Variants in VIT observed in about 807,000 individuals in gnomAD.
VIT encodes the protein vitrin.
A neutral mutation model predicts 78.0 loss-of-function variants in VIT; 99 were observed. That is an observed-to-expected ratio of 1.27 (90% CI 1.08 to 1.50). The LOEUF is 1.50. Ranked by LOEUF, VIT falls within the 40% of genes most tolerant of loss-of-function variation. The pLI, the probability that VIT is intolerant of heterozygous loss-of-function variation, is 0.00. For synonymous variants in VIT, 374 were observed against 334.3 expected (o/e 1.12, Z -1.29); for missense variants, 1,126 against 875.3 (o/e 1.29, Z -3.61).
chr2:36,742,013 T>C (rs1168985218), intron 3 of VIT, among the ~76,000 whole-genome samples: 2 of 152,158 alleles, frequency 1.3e-5, no homozygotes, highest in African/African-American at 4.8e-5. Flanking sequence ...CTACAAACCA[T>C]CCCTTTCATT....
intron 12 of VIT, among the ~76,000 whole-genome samples, chr2:36,796,874 C>T (rs951698408): frequency 1.3e-5 from 2 of 152,084 alleles, no homozygotes; most frequent in Admixed American, 1.3e-4. Context: ...TCACCAGACA[C>T]CCTCAGGAAA....
At chr2:36,803,832 T>C (rs1394127389) in intron 13 of VIT, among the ~76,000 whole-genome samples, 1 of 152,180 alleles carries the variant, frequency 6.6e-6, no homozygotes, top group East Asian at 1.9e-4. Context: ...AGGACTCCTT[T>C]GAGAATTCCG....
intron 4 of VIT, among the ~76,000 whole-genome samples, chr2:36,744,684 T>C (rs1668030958): frequency 6.6e-6 from 1 of 152,088 alleles, no homozygotes; most frequent in Non-Finnish European, 1.5e-5. Flanking sequence ...TTTTGATTGT[T>C]TGATTAAGTC....
intron 15 of VIT, 137 bp from the exon 16 acceptor site, chr2:36,814,046 G>T: frequency 1.0e-6 from 1 of 957,434 alleles, no homozygotes; most frequent in Non-Finnish European, 1.5e-6. Context: ...GGCCTGTAGC[G>T]TATTTTTGGT....
In VIT at chr2:36,783,392, G is replaced by A. The variant is rs1168699393; in HGVS notation, c.900G>A (p.Leu300=). Residue 300 remains leucine, a synonymous_variant, in exon 11 of 16, where the codon CTG becomes CTA. Coordinates refer to ENST00000379242, the MANE Select transcript of VIT (RefSeq NM_053276.4). Reference sequence around the variant, plus strand: ...CACAGTCTTTGGAGCCAGTATCCCTGGGAGATCCAAGTAAGTTAATTGACA... The same window carrying A: ...CACAGTCTTTGGAGCCAGTATCCCTAGGAGATCCAAGTAAGTTAATTGACA... ...LSTQSLEPVS[L]GDPNCKIDLS... The A allele has an allele frequency of 1.2e-6, 2 of 1,614,060 alleles. No homozygotes were observed. The highest frequency in any genetic ancestry group is 2.7e-5 in the African/African-American group (2 of 75,008).
chr2:36,797,863 G>A (rs995966154), intron 12 of VIT, among the ~76,000 whole-genome samples: 16 of 152,256 alleles, frequency 1.1e-4, no homozygotes, highest in African/African-American at 3.4e-4. Flanking sequence ...GCCTGTAGGC[G>A]CCACATATTA....
At chr2:36,779,216 G>A (rs1670246838) in intron 9 of VIT, among the ~76,000 whole-genome samples, 1 of 152,218 alleles carries the variant, frequency 6.6e-6, no homozygotes, top group African/African-American at 2.4e-5. Flanking sequence ...AACAGATGGT[G>A]GTTAGGGGTA....
At position 36,801,404 on chromosome 2, in the gene VIT, G is replaced by A. The variant is rs1434081611; in HGVS notation, c.1162G>A (p.Gly388Ser). ...ITQRGGLSNV[G>S]RAISFVTKNF... is the part of the protein sequence containing the mutation. ...TCAGAGAGGAGGACTTTCTAATGTA[G>A]GTATGTGATCCGGATTCAAATTATA... Residue 388 changes from glycine to serine, a missense_variant and splice_region_variant, in exon 13 of 16, where the codon GGT becomes AGT. By Grantham distance (56) the Gly-to-Ser change is moderately conservative. Coordinates refer to ENST00000379242, the MANE Select transcript of VIT (RefSeq NM_053276.4). The A allele has an allele frequency of 6.2e-7, 1 of 1,606,024 alleles. No homozygotes were observed. Among genetic ancestry groups the A allele is most frequent in the Non-Finnish European group, 8.5e-7 (1 of 1,173,090 alleles).
chr2:36,748,287 G>C (rs72783187), intron 4 of VIT, among the ~76,000 whole-genome samples: 18,217 of 152,124 alleles, frequency 0.12, 1,119 homozygotes, highest in East Asian at 0.15. Flanking sequence ...GAGACTGAGG[G>C]AATTTTCATG....
Position 36,804,559 on chromosome 2 carries a change from C to T in VIT, c.1163-879C>T, listed in dbSNP as rs1021353963. Reference sequence around the variant, plus strand: ...TCGCATGAAAGTCTTTGGCCAGGCACGGTGGTTCAAACCTGTAATCCCAGC... The same window carrying T: ...TCGCATGAAAGTCTTTGGCCAGGCATGGTGGTTCAAACCTGTAATCCCAGC... On this transcript the variant is annotated intron_variant, in intron 13 of 15. Coordinates refer to ENST00000379242, the MANE Select transcript of VIT (RefSeq NM_053276.4). 1.2e-4 allele frequency among the ~76,000 whole-genome samples: 19 copies of T among 152,284 alleles called. 1 individual carries two copies. Among genetic ancestry groups the T allele is most frequent in the Admixed American group, 7.8e-4 (12 of 15,302 alleles).
intron 7 of VIT, among the ~76,000 whole-genome samples, chr2:36,768,373 A>G (rs1212155111): frequency 1.3e-5 from 2 of 152,172 alleles, no homozygotes; most frequent in Non-Finnish European, 2.9e-5. Flanking sequence ...CAGAGGTTCC[A>G]GTGAGCCGAG....
chr2:36,766,995 G>A, intron 6 of VIT, 99 bp from the exon 7 acceptor site: 2 of 1,334,344 alleles, frequency 1.5e-6, no homozygotes. Context: ...ACAGCTCTGT[G>A]CTCATAGCTA....
intron 6 of VIT, among the ~76,000 whole-genome samples, chr2:36,766,138 C>T (rs115090006): frequency 1.3e-5 from 2 of 152,334 alleles, no homozygotes; most frequent in South Asian, 4.1e-4. Context: ...AGAGCACTAA[C>T]AAACTGAGAC....
intron 12 of VIT, among the ~76,000 whole-genome samples, chr2:36,796,448 G>A (rs540078241): frequency 3.9e-5 from 6 of 152,228 alleles, no homozygotes; most frequent in South Asian, 2.1e-4. Flanking sequence ...TTTATAGAAC[G>A]TAACTGCCAA....
chr2:36,808,095 G>C (rs1666860730), intron 14 of VIT, among the ~76,000 whole-genome samples: 1 of 152,180 alleles, frequency 6.6e-6, no homozygotes, highest in South Asian at 2.1e-4. Flanking sequence ...GCTTTCTTTA[G>C]TCCTCTCATG....
At chr2:36,800,638 C>A (rs1313168381) in intron 12 of VIT, among the ~76,000 whole-genome samples, 1 of 152,166 alleles carries the variant, frequency 6.6e-6, no homozygotes. Flanking sequence ...CTCCTGCACG[C>A]CTCCACACCC....
At chr2:36,703,948 T>G (rs1465225577) in intron 1 of VIT, among the ~76,000 whole-genome samples, 6 of 128,506 alleles carry the variant, frequency 4.7e-5, no homozygotes, top group African/African-American at 1.1e-4. Flanking sequence ...TTTTTTTTTT[T>G]GGAGACTCAC....
chr2:36,800,458 C>A (rs933995020), intron 12 of VIT, among the ~76,000 whole-genome samples: 1 of 152,202 alleles, frequency 6.6e-6, no homozygotes, highest in Non-Finnish European at 1.5e-5. Flanking sequence ...AGCAGCAGAG[C>A]ACTATGCCAA....
At chr2:36,787,449 A>T (rs1486715718) in intron 12 of VIT, among the ~76,000 whole-genome samples, 173 bp downstream of exon 12, 1 of 152,248 alleles carries the variant, frequency 6.6e-6, no homozygotes, top group Non-Finnish European at 1.5e-5. Context: ...AGATGCCTTT[A>T]AGAAATCTGA....
Sources: gnomAD v4.1 joint callset for allele counts (sites outside exome capture counted in the v4.1 genomes callset) on GRCh38, gnomAD v4.1.1 for gene constraint, MANE v1.5 for transcripts, NCBI Gene and HGNC (gene_info 2026-07-23, HGNC 2026-07-21) for gene names.